LYPLAL1: variants seen among roughly 807,000 people sequenced by gnomAD.
LYPLAL1 encodes lysophospholipase-like protein 1.
Under a neutral mutation model 19.7 loss-of-function variants are expected in LYPLAL1, and 23 were observed. The ratio of observed to expected loss-of-function variants is 1.17; its 90% confidence interval spans 0.84 to 1.65. The LOEUF (loss-of-function observed/expected upper bound fraction) is 1.65. Ranked by LOEUF, LYPLAL1 falls within the 40% of genes most tolerant of loss-of-function variation. The pLI is 0.00. For missense variants in LYPLAL1, 355 were observed against 279.4 expected (o/e 1.27, Z -1.93); for synonymous variants, 119 against 96.3 (o/e 1.24, Z -1.38).
chr1:219,310,726 A>G, the LYPLAL1 span, among the ~76,000 whole-genome samples: 2 of 152,226 alleles, frequency 1.3e-5, no homozygotes, highest in African/African-American at 4.8e-5. Flanking sequence ...TCATTTTTTC[A>G]TGAGTGTATA....
At chr1:219,209,454 T>C (rs1278375020) in intron 3 of LYPLAL1, among the ~76,000 whole-genome samples, 4 of 152,112 alleles carry the variant, frequency 2.6e-5, no homozygotes, top group Admixed American at 2.6e-4. Context: ...TAAAATAATA[T>C]GTACCTAATC....
chr1:219,418,675 G>C, the LYPLAL1 span, among the ~76,000 whole-genome samples: 5 of 152,120 alleles, frequency 3.3e-5, no homozygotes, highest in African/African-American at 1.2e-4. Flanking sequence ...GTTTACATTA[G>C]CATTCACTCT....
chr1:219,368,328 T>C, the LYPLAL1 span, among the ~76,000 whole-genome samples: 2 of 152,140 alleles, frequency 1.3e-5, no homozygotes, highest in African/African-American at 4.8e-5. Context: ...AGACAGGTAG[T>C]TTCTTCTTTT....
the LYPLAL1 span, among the ~76,000 whole-genome samples, chr1:219,412,741 T>G: frequency 1.6e-4 from 25 of 152,336 alleles, no homozygotes; most frequent in Non-Finnish European, 3.1e-4. Context: ...AAATGAGAAG[T>G]GTCCTTTGGG....
At chr1:219,338,038 G>T in the LYPLAL1 span, among the ~76,000 whole-genome samples, 2 of 151,916 alleles carry the variant, frequency 1.3e-5, no homozygotes, top group African/African-American at 4.8e-5. Flanking sequence ...TTTGGTAATA[G>T]TTCACCTAAA....
chr1:219,287,131 G>A, the LYPLAL1 span, among the ~76,000 whole-genome samples: 2 of 152,150 alleles, frequency 1.3e-5, no homozygotes, highest in Non-Finnish European at 2.9e-5. Context: ...CTGTAGAGAT[G>A]ATATTGGCCT....
the LYPLAL1 span, among the ~76,000 whole-genome samples, chr1:219,443,479 A>G: frequency 2.3e-4 from 35 of 152,314 alleles, 1 homozygote; most frequent in East Asian, 6.4e-3. Flanking sequence ...TTAGCATTAT[A>G]TTTTATTTCA....
chr1:219,278,065 C>T, the LYPLAL1 span, among the ~76,000 whole-genome samples: 1 of 152,200 alleles, frequency 6.6e-6, no homozygotes. Flanking sequence ...CTCATTTTAT[C>T]TTCCCAGCAA....
At chr1:219,426,922 T>C in the LYPLAL1 span, among the ~76,000 whole-genome samples, 2 of 152,224 alleles carry the variant, frequency 1.3e-5, no homozygotes, top group Admixed American at 6.5e-5. Context: ...TATATCCTTA[T>C]TTCACAAATG....
the LYPLAL1 span, among the ~76,000 whole-genome samples, chr1:219,266,282 T>C: frequency 6.6e-6 from 1 of 152,176 alleles, no homozygotes; most frequent in Non-Finnish European, 1.5e-5. Flanking sequence ...ATTTTTCTTG[T>C]ACTTTTCAAA....
chr1:219,303,155 C>T, the LYPLAL1 span, among the ~76,000 whole-genome samples: 517 of 152,298 alleles, frequency 3.4e-3, 6 homozygotes, highest in African/African-American at 0.011. Flanking sequence ...AATCTTAAAT[C>T]ATGAAATATT....
At chr1:219,398,390 T>C in the LYPLAL1 span, among the ~76,000 whole-genome samples, 32 of 152,354 alleles carry the variant, frequency 2.1e-4, no homozygotes, top group African/African-American at 7.2e-4. Flanking sequence ...GCCATGAGTT[T>C]TTTAGCACTA....
At chr1:219,359,473 A>G in the LYPLAL1 span, among the ~76,000 whole-genome samples, 2 of 152,234 alleles carry the variant, frequency 1.3e-5, no homozygotes, top group Admixed American at 6.5e-5. Flanking sequence ...CAATGGAGAA[A>G]ACAGAAGCAG....
At chr1:219,362,729 C>T in the LYPLAL1 span, among the ~76,000 whole-genome samples, 2 of 152,084 alleles carry the variant, frequency 1.3e-5, no homozygotes, top group Non-Finnish European at 2.9e-5. Context: ...AAGACGTTTG[C>T]AGTCCTGGTG....
At chr1:219,229,862 G>C in the LYPLAL1 span, among the ~76,000 whole-genome samples, 18 of 152,140 alleles carry the variant, frequency 1.2e-4, no homozygotes, top group African/African-American at 4.3e-4. Context: ...TATTATCAAG[G>C]TCCTCTAATC....
At chr1:219,313,610 C>T in the LYPLAL1 span, among the ~76,000 whole-genome samples, 2 of 151,942 alleles carry the variant, frequency 1.3e-5, no homozygotes, top group Non-Finnish European at 2.9e-5. Flanking sequence ...TGGCTCACTG[C>T]AACCTCCACA....
intron 2 of LYPLAL1, among the ~76,000 whole-genome samples, chr1:219,191,758 A>T (rs1335075182): frequency 6.6e-6 from 1 of 151,514 alleles, no homozygotes; most frequent in African/African-American, 2.4e-5. Flanking sequence ...ATATTTAAAA[A>T]ATTTTATGTA....
chr1:219,291,993 T>TTATGAA, the LYPLAL1 span, among the ~76,000 whole-genome samples: 4 of 152,308 alleles, frequency 2.6e-5, no homozygotes, highest in African/African-American at 9.6e-5. Context: ...TCCCAGGCAC[T>TTATGAA]TATGAATATA....
At chr1:219,440,220 A>G in the LYPLAL1 span, among the ~76,000 whole-genome samples, 18 of 151,976 alleles carry the variant, frequency 1.2e-4, no homozygotes, top group East Asian at 3.1e-3. Flanking sequence ...CGTAGATTAG[A>G]TTAAGCAAAA....
Sources: gnomAD v4.1 joint callset for allele counts (sites outside exome capture counted in the v4.1 genomes callset) on GRCh38, gnomAD v4.1.1 for gene constraint, MANE v1.5 for transcripts, NCBI Gene and HGNC (gene_info 2026-07-23, HGNC 2026-07-21) for gene names.